The following RFX4 variants were observed in gnomAD, a reference collection of about 807,000 sequenced individuals.
RFX4 encodes the protein regulatory factor X4.
A neutral mutation model predicts 95.0 loss-of-function variants in RFX4; 10 were observed. The observed-to-expected ratio is 0.11, with a 90% CI of 0.06 to 0.18. RFX4 has a LOEUF of 0.18. RFX4 is among the 10% of genes least tolerant of loss of function. The probability of loss-of-function intolerance (pLI) is 1.00; values close to 1 mark genes in which losing one functional copy is unlikely to be tolerated. For missense variants in RFX4, 640 were observed against 922.0 expected, an observed-to-expected ratio of 0.69 and a Z score of 3.96; for synonymous variants, 321 against 340.7, an observed-to-expected ratio of 0.94 and a Z score of 0.64.
intron 3 of RFX4, among the ~76,000 whole-genome samples, chr12:106,641,943 G>A (rs1037484403): frequency 7.5e-6 from 1 of 132,774 alleles, no homozygotes; most frequent in East Asian, 2.1e-4. Flanking sequence ...CTATATCTAT[G>A]TCTATATCTA....
Position 106,750,784 on chromosome 12 carries a change from C to T in RFX4, c.1926C>T (p.Ser642=). The T allele has an allele frequency of 1.3e-6, 2 of 1,591,126 alleles. No homozygotes were observed. Among genetic ancestry groups the T allele is most frequent in the Non-Finnish European group, 1.7e-6 (2 of 1,171,470 alleles). ...TCCACTATGCCCCTTACCACAGGAG[C>T]TCTGCACAGGTGAGTCAGTGGTCCT... is the stretch of plus-strand genomic sequence containing the variant. The part of the protein sequence containing the change: ...GPLHYAPYHR[S]SAQYPFNSPT... Residue 642 remains serine, a synonymous_variant, in exon 17 of 18, where the codon AGC becomes AGT. Coordinates refer to ENST00000392842, the MANE Select transcript of RFX4 (RefSeq NM_213594.3).
chr12:106,652,782 C>T (rs538373463), intron 3 of RFX4, among the ~76,000 whole-genome samples: 1 of 152,168 alleles, frequency 6.6e-6, no homozygotes, highest in South Asian at 2.1e-4. Flanking sequence ...GAGTGCTGCC[C>T]TTTCAAGTGG....
At chr12:106,741,168 T>G (rs927556777) in intron 15 of RFX4, among the ~76,000 whole-genome samples, 1 of 151,908 alleles carries the variant, frequency 6.6e-6, no homozygotes, top group Non-Finnish European at 1.5e-5. Flanking sequence ...CAATAGGAGG[T>G]CTCTTTAGAC....
intron 3 of RFX4, among the ~76,000 whole-genome samples, chr12:106,651,240 G>A (rs1028690906): frequency 1.3e-5 from 2 of 152,002 alleles, no homozygotes; most frequent in South Asian, 2.1e-4. Context: ...CCCAACTACC[G>A]TGGCAGAATA....
chr12:106,695,807 A>C (rs960835909), intron 7 of RFX4, among the ~76,000 whole-genome samples: 15 of 151,268 alleles, frequency 9.9e-5, no homozygotes, highest in African/African-American at 3.7e-4. Flanking sequence ...TGTGGCACCT[A>C]CTCTCCTTTC....
At chr12:106,679,808 C>G (rs890161012) in intron 4 of RFX4, among the ~76,000 whole-genome samples, 3 of 152,196 alleles carry the variant, frequency 2.0e-5, no homozygotes, top group African/African-American at 7.2e-5. Context: ...TGCTGAAAGT[C>G]TGAAGGGCTT....
intron 3 of RFX4, among the ~76,000 whole-genome samples, chr12:106,651,917 T>C (rs1327961509): frequency 2.0e-5 from 3 of 152,184 alleles, no homozygotes; most frequent in Admixed American, 2.0e-4. Context: ...GAGACCCCAG[T>C]TTGAGAAAGC....
chr12:106,687,081 G>C lies in RFX4; in HGVS notation c.575G>C (p.Ser192Thr), dbSNP rs772855114. 2.8e-5 allele frequency: 45 copies of C among 1,613,506 alleles called. No homozygotes were observed. The Admixed American group carries it at 7.3e-4, about 26-fold the overall frequency. Residue 192 changes from serine (S) to threonine (T), a missense_variant, in exon 6 of 18, where the codon AGC becomes ACC. Physicochemically the swap from Ser to Thr is moderately conservative, Grantham distance 58. This residue lies in a region of RFX4 where 89 missense variants were observed against 173.8 expected (regional missense o/e 0.51). Transcript: ENST00000392842. ...PNVKDLNLPA[S>T]LPEEKVSTFI... ...GTCAAAGATCTAAATCTGCCAGCCAGCCTGCCTGAGGAGAAGGTAACTACA... is the reference window on the plus strand; with the variant it reads ...GTCAAAGATCTAAATCTGCCAGCCACCCTGCCTGAGGAGAAGGTAACTACA...
intron 4 of RFX4, among the ~76,000 whole-genome samples, chr12:106,656,748 C>T (rs1469706623): frequency 2.0e-5 from 3 of 152,090 alleles, no homozygotes; most frequent in Admixed American, 2.0e-4. Flanking sequence ...CTCTCTTCTG[C>T]GATCTTTGGT....
intron 1 of RFX4, among the ~76,000 whole-genome samples, chr12:106,605,378 C>G (rs558860604): frequency 1.3e-5 from 2 of 152,276 alleles, no homozygotes; most frequent in South Asian, 4.1e-4. Context: ...GCTTGTGAGA[C>G]ATGAATTGGA....
At chr12:106,658,310 T>C (rs990797669) in intron 4 of RFX4, among the ~76,000 whole-genome samples, 1 of 152,182 alleles carries the variant, frequency 6.6e-6, no homozygotes, top group Non-Finnish European at 1.5e-5. Context: ...ACTAGCTGTA[T>C]TTTTACTTAC....
At chr12:106,727,732 G>T (rs1488673731) in intron 13 of RFX4, among the ~76,000 whole-genome samples, 1 of 151,944 alleles carries the variant, frequency 6.6e-6, no homozygotes, top group African/African-American at 2.4e-5. Flanking sequence ...CCATTCTCCT[G>T]CCTCAGCCTC....
intron 2 of RFX4, among the ~76,000 whole-genome samples, chr12:106,623,157 G>C (rs965053016): frequency 6.7e-6 from 1 of 149,896 alleles, no homozygotes. Flanking sequence ...TCCTGCCTCA[G>C]CCTCCCGAGT....
At chr12:106,753,208 C>T (rs548923824) in intron 17 of RFX4, among the ~76,000 whole-genome samples, 6 of 152,258 alleles carry the variant, frequency 3.9e-5, no homozygotes, top group African/African-American at 1.4e-4. Context: ...CCCTCCCTCC[C>T]CGCAGCCATG....
rs186409751 is a variant in RFX4 at position 106,583,066 on chromosome 12, G to T, written c.-255G>T. 8.9e-5 allele frequency: 38 copies of T among 428,446 alleles called. No individual in the cohort carries two copies. The highest frequency in any genetic ancestry group is 1.4e-4 in the Non-Finnish European group (34 of 245,438). The allele number at this position is 428,446 out of a possible 1,614,324, so 26.5% of individuals were successfully genotyped here. ...TTACTGAGTGTCCCCTTGCTCGCTCGCTTTTTCTCTCTCCCCCTTCTCCGA... is the reference window on the plus strand; with the variant it reads ...TTACTGAGTGTCCCCTTGCTCGCTCTCTTTTTCTCTCTCCCCCTTCTCCGA... On this transcript the variant is annotated 5_prime_UTR_variant, in exon 1 of 18. Transcript: ENST00000392842.
At chr12:106,665,695 TTTG>T (rs1271324003) in intron 4 of RFX4, among the ~76,000 whole-genome samples, 3 of 151,936 alleles carry the variant, frequency 2.0e-5, no homozygotes. Flanking sequence ...CTTCCTATAA[TTTG>T]CAATATATAT....
chr12:106,637,135 A>G (rs1229019339), intron 2 of RFX4, among the ~76,000 whole-genome samples: 3 of 152,326 alleles, frequency 2.0e-5, no homozygotes, highest in South Asian at 2.1e-4. Flanking sequence ...AATTACCATG[A>G]TTGTTGTAAA....
intron 1 of RFX4, chr12:106,585,740 T>G (rs2039445474): frequency 6.6e-6 from 1 of 152,162 alleles, no homozygotes; most frequent in Non-Finnish European, 1.5e-5. Context: ...ATTATATCAT[T>G]CCGAAAGGAC....
chr12:106,693,094 T>A, intron 7 of RFX4: 1 of 441,084 alleles, frequency 2.3e-6, no homozygotes, highest in Non-Finnish European at 4.5e-6. Context: ...TCCTGTCAGC[T>A]CCACCTTCTG....
Sources: gnomAD v4.1 joint callset for allele counts (sites outside exome capture counted in the v4.1 genomes callset) on GRCh38, gnomAD v4.1.1 for gene constraint, gnomAD v4.1.1 regional missense constraint, MANE v1.5 for transcripts, NCBI Gene and HGNC (gene_info 2026-07-23, HGNC 2026-07-21) for gene names.